DLGAP2: variants seen among roughly 807,000 people sequenced by gnomAD.
DLGAP2 encodes the protein DLG associated protein 2, also known as disks large-associated protein 2.
A neutral mutation model predicts 100.3 loss-of-function variants in DLGAP2; 26 were observed. The ratio of observed to expected loss-of-function variants is 0.26; its 90% confidence interval spans 0.19 to 0.36. The LOEUF is 0.36. Ranked by LOEUF, DLGAP2 falls within the 10% of genes least tolerant of loss-of-function variation. DLGAP2 has a pLI of 1.00. For synonymous variants in DLGAP2, 886 were observed against 630.1 expected (o/e 1.41, Z -6.08); for missense variants, 1,858 against 1,453.2 (o/e 1.28, Z -4.53).
chr8:1,530,929 A>T (rs1448342895), intron 4 of DLGAP2, among the ~76,000 whole-genome samples: 1 of 152,226 alleles, frequency 6.6e-6, no homozygotes, highest in Non-Finnish European at 1.5e-5. Flanking sequence ...GTCTATCAGG[A>T]ATTCAGTAGG....
At chr8:1,061,237 G>C (rs759169267) in intron 2 of DLGAP2, among the ~76,000 whole-genome samples, 21 of 152,298 alleles carry the variant, frequency 1.4e-4, no homozygotes, top group Admixed American at 2.6e-4. Flanking sequence ...TGGGTCACTG[G>C]AATAGTTGCG....
intron 1 of DLGAP2, among the ~76,000 whole-genome samples, chr8:838,847 C>A (rs1279561368): frequency 3.9e-5 from 6 of 152,318 alleles, no homozygotes; most frequent in African/African-American, 1.4e-4. Context: ...GATTCCCCTG[C>A]TGGTGACTTC....
intron 3 of DLGAP2, among the ~76,000 whole-genome samples, chr8:1,306,416 A>T (rs1236547288): frequency 6.6e-6 from 1 of 152,180 alleles, no homozygotes; most frequent in Non-Finnish European, 1.5e-5. Flanking sequence ...AAACTATAAA[A>T]TGTTGTTATA....
At chr8:924,173 A>G (rs2129001990) in intron 2 of DLGAP2, among the ~76,000 whole-genome samples, 1 of 152,316 alleles carries the variant, frequency 6.6e-6, no homozygotes, top group African/African-American at 2.4e-5. Context: ...ACTTGGGAGC[A>G]ACACCAGCTA....
chr8:949,548 C>T (rs978845063), intron 2 of DLGAP2, among the ~76,000 whole-genome samples: 2 of 152,150 alleles, frequency 1.3e-5, no homozygotes, highest in African/African-American at 4.8e-5. Context: ...CAGTGCCTGC[C>T]GGGGCAGGAC....
intron 2 of DLGAP2, among the ~76,000 whole-genome samples, chr8:1,192,087 C>T (rs940112865): frequency 3.3e-5 from 5 of 152,120 alleles, no homozygotes; most frequent in African/African-American, 9.7e-5. Flanking sequence ...TTGAGGTGTG[C>T]GTGGCCCCTG....
intron 1 of DLGAP2, among the ~76,000 whole-genome samples, chr8:864,394 A>T (rs1198642126): frequency 6.6e-6 from 1 of 152,212 alleles, no homozygotes; most frequent in Non-Finnish European, 1.5e-5. Flanking sequence ...TACACACCCT[A>T]ATTTGTCCAT....
chr8:963,256 A>T (rs1334704706), intron 2 of DLGAP2, among the ~76,000 whole-genome samples: 5 of 152,136 alleles, frequency 3.3e-5, no homozygotes, highest in African/African-American at 9.7e-5. Flanking sequence ...ATTTGGAAAC[A>T]GTGTTTGAAA....
intron 2 of DLGAP2, among the ~76,000 whole-genome samples, chr8:1,184,036 C>T (rs1169133618): frequency 6.6e-6 from 1 of 152,164 alleles, no homozygotes; most frequent in Non-Finnish European, 1.5e-5. Context: ...ATATGATGGT[C>T]ATAGAACTCA....
chr8:953,821 T>C (rs976599241), intron 2 of DLGAP2, among the ~76,000 whole-genome samples: 1 of 152,096 alleles, frequency 6.6e-6, no homozygotes, highest in South Asian at 2.1e-4. Flanking sequence ...AAGCGCTTTA[T>C]GGGACTTTCC....
At chr8:1,066,233 G>A (rs981455296) in intron 2 of DLGAP2, among the ~76,000 whole-genome samples, 6 of 151,872 alleles carry the variant, frequency 4.0e-5, no homozygotes, top group Non-Finnish European at 8.8e-5. Flanking sequence ...AGGTCTGAGC[G>A]AGGGCAGCTC....
intron 1 of DLGAP2, among the ~76,000 whole-genome samples, chr8:760,365 C>T (rs1018747943): frequency 6.6e-6 from 1 of 152,176 alleles, no homozygotes; most frequent in African/African-American, 2.4e-5. Context: ...CATCTCTCTC[C>T]TGGTTAGACC....
intron 6 of DLGAP2, among the ~76,000 whole-genome samples, chr8:1,577,808 G>C: frequency 6.6e-6 from 1 of 152,214 alleles, no homozygotes. Flanking sequence ...GCTGGGGAAC[G>C]GGCAGCACTC....
At chr8:1,211,890 A>G (rs1798112917) in intron 2 of DLGAP2, among the ~76,000 whole-genome samples, 1 of 152,212 alleles carries the variant, frequency 6.6e-6, no homozygotes. Flanking sequence ...ATAAAATAAA[A>G]TAAAAAAATA....
At chr8:1,606,939 C>G (rs1383592480) in intron 6 of DLGAP2, among the ~76,000 whole-genome samples, 1 of 152,194 alleles carries the variant, frequency 6.6e-6, no homozygotes, top group Admixed American at 6.5e-5. Flanking sequence ...CCTACCGCAG[C>G]CTCCCAAAGT....
intron 2 of DLGAP2, among the ~76,000 whole-genome samples, chr8:950,935 C>G (rs1799464710): frequency 6.6e-6 from 1 of 151,920 alleles, no homozygotes; most frequent in Admixed American, 6.6e-5. Context: ...TAGAATATTT[C>G]TTATATTAAA....
chr8:1,453,156 G>A (rs181772088), intron 3 of DLGAP2, among the ~76,000 whole-genome samples: 97 of 152,210 alleles, frequency 6.4e-4, no homozygotes, highest in African/African-American at 1.9e-3. Context: ...GTATTGGAGC[G>A]CGCTGGGCAG....
intron 2 of DLGAP2, among the ~76,000 whole-genome samples, chr8:1,082,944 G>C (rs1318942423): frequency 6.6e-6 from 1 of 152,140 alleles, no homozygotes; most frequent in Non-Finnish European, 1.5e-5. Context: ...GAAGGGATCT[G>C]TTATGAAATT....
intron 1 of DLGAP2, among the ~76,000 whole-genome samples, chr8:774,643 A>G (rs530417828): frequency 0.026 from 3,909 of 151,488 alleles, 147 homozygotes; most frequent in African/African-American, 0.091. Context: ...AGGTTTGTCA[A>G]AGATCAGATA....
Sources: gnomAD v4.1 joint callset for allele counts (sites outside exome capture counted in the v4.1 genomes callset) on GRCh38, gnomAD v4.1.1 for gene constraint, MANE v1.5 for transcripts, NCBI Gene and HGNC (gene_info 2026-07-23, HGNC 2026-07-21) for gene names.